Variants in KLF16 observed in about 807,000 individuals in gnomAD.
KLF16 encodes the protein Krueppel-like factor 16.
A neutral mutation model predicts 6.1 loss-of-function variants in KLF16; 6 were observed. The ratio of observed to expected loss-of-function variants is 0.98; its 90% CI spans 0.54 to 1.93. The LOEUF (loss-of-function observed/expected upper bound fraction) is 1.93. Ranked by LOEUF, KLF16 falls within the 30% of genes most tolerant of loss-of-function variation. The pLI is 0.01. For missense variants in KLF16, 355 were observed against 363.8 expected, an observed-to-expected ratio of 0.98 and a Z score of 0.20; for synonymous variants, 211 against 176.5, an observed-to-expected ratio of 1.20 and a Z score of -1.55.
chr19:1,874,301 T>C, the KLF16 span, among the ~76,000 whole-genome samples: 1 of 152,168 alleles, frequency 6.6e-6, no homozygotes, highest in Non-Finnish European at 1.5e-5. Context: ...AATGGGGTTC[T>C]GGAAAACTGG....
rs1437590680 is a variant in KLF16 at position 1,854,713 on chromosome 19, C to T, written c.505G>A (p.Ala169Thr). ...CDWQGCDKKF[A>T]RSDELARHHR... The stretch of plus-strand genomic sequence containing the variant: ...TGGCGGGCCAGCTCGTCGGAGCGGG[C>T]GAACTTCTTGTCGCAGCCCTGCCAG... The change falls in exon 2 of 2, where the codon GCC (alanine) becomes ACC (threonine). Residue 169 changes from alanine to threonine, a missense_variant. Transcript: ENST00000250916. 1 of 1,598,870 alleles carries T rather than the reference C, an allele frequency of 6.3e-7. No individual in the cohort carries two copies.
intron 1 of KLF16, among the ~76,000 whole-genome samples, chr19:1,859,549 C>T (rs936039554): frequency 6.6e-6 from 1 of 151,996 alleles, no homozygotes; most frequent in Non-Finnish European, 1.5e-5. Flanking sequence ...GCCGAGGTGC[C>T]CCCTCCCCAC....
the KLF16 span, among the ~76,000 whole-genome samples, chr19:1,873,142 T>C: frequency 2.2e-3 from 341 of 152,310 alleles, 4 homozygotes; most frequent in African/African-American, 7.7e-3. Context: ...CCTCAGGTCA[T>C]GCAGAACAGA....
chr19:1,868,461 CTTTTTTTTTTTTT>C (rs762308559), upstream of KLF16, among the ~76,000 whole-genome samples: 10 of 110,070 alleles, frequency 9.1e-5, no homozygotes, highest in East Asian at 2.7e-4. Context: ...CAGATTAGGG[CTTTTTTTTTTTTT>C]TTTTTTTTTT....
chr19:1,861,609 C>T (rs557169841), intron 1 of KLF16: 2 of 152,422 alleles, frequency 1.3e-5, no homozygotes, highest in South Asian at 2.1e-4. Flanking sequence ...TGTCTTGACG[C>T]CCTCGGTTCC....
upstream of KLF16, among the ~76,000 whole-genome samples, chr19:1,865,059 C>T (rs2145372756): frequency 6.6e-6 from 1 of 152,340 alleles, no homozygotes; most frequent in Admixed American, 6.5e-5. Context: ...ACCACTGTTC[C>T]CTGGGTCGCC....
chr19:1,858,838 C>T (rs1207334203), intron 1 of KLF16, among the ~76,000 whole-genome samples: 1 of 152,086 alleles, frequency 6.6e-6, no homozygotes. Flanking sequence ...CAGAAATGGT[C>T]TAAGCCAGGG....
upstream of KLF16, among the ~76,000 whole-genome samples, chr19:1,865,530 T>C (rs1270112951): frequency 6.6e-6 from 1 of 152,170 alleles, no homozygotes; most frequent in African/African-American, 2.4e-5. Context: ...CTTACAGTTG[T>C]AACTGGGAGG....
upstream of KLF16, among the ~76,000 whole-genome samples, chr19:1,867,972 A>G (rs2145375379): frequency 6.7e-6 from 1 of 148,666 alleles, no homozygotes; most frequent in Non-Finnish European, 1.5e-5. Flanking sequence ...GCGTGCGCGC[A>G]TGCACTGGAA....
At chr19:1,869,937 T>C in the KLF16 span, among the ~76,000 whole-genome samples, 50 of 139,600 alleles carry the variant, frequency 3.6e-4, no homozygotes, top group Middle Eastern at 4.0e-3. Flanking sequence ...TTTCTTTTTT[T>C]TTTTTTTTTT....
the KLF16 span, among the ~76,000 whole-genome samples, chr19:1,870,888 C>T: frequency 6.6e-6 from 1 of 152,088 alleles, no homozygotes; most frequent in South Asian, 2.1e-4. Context: ...CCCAGCTACT[C>T]GGGAGGCTGA....
At chr19:1,867,359 C>T (rs973596449), upstream of KLF16, among the ~76,000 whole-genome samples, 2 of 152,190 alleles carry the variant, frequency 1.3e-5, no homozygotes, top group African/African-American at 4.8e-5. Flanking sequence ...TGCTTGAGCC[C>T]AGGAGTTCAA....
chr19:1,860,804 G>C lies in KLF16; in HGVS notation c.457+2237C>G, dbSNP rs1279820970. Among the ~76,000 whole-genome samples the C allele has an allele frequency of 2.0e-5, 3 of 152,326 alleles. No homozygotes were observed. In the East Asian group the frequency reaches 5.8e-4, roughly 29 times the overall value. On this transcript the variant is annotated intron_variant, in intron 1 of 1. Transcript: ENST00000250916. Reference sequence around the variant, plus strand: ...TTTACACAGACCCCTTGGTGGTCCTGGGGGCTGGGGAGGCCCGGAAGAGGA... The same window carrying C: ...TTTACACAGACCCCTTGGTGGTCCTCGGGGCTGGGGAGGCCCGGAAGAGGA...
upstream of KLF16, among the ~76,000 whole-genome samples, chr19:1,867,927 CGTGTGTGTGTGTGTGTGTGT>C (rs71174389): frequency 3.4e-5 from 5 of 147,978 alleles, no homozygotes; most frequent in African/African-American, 7.5e-5. Flanking sequence ...TATGTAAGGA[CGTGTGTGTGTGTGTGTGTGT>C]GTGTGTGTGT....
At chr19:1,873,639 G>T in the KLF16 span, among the ~76,000 whole-genome samples, 2 of 151,904 alleles carry the variant, frequency 1.3e-5, no homozygotes, top group African/African-American at 2.4e-5. Context: ...TCCACAAAAT[G>T]GAGAACGGGA....
chr19:1,866,885 G>C (rs1468507821), upstream of KLF16, among the ~76,000 whole-genome samples: 9 of 151,844 alleles, frequency 5.9e-5, no homozygotes, highest in Admixed American at 5.9e-4. Flanking sequence ...AGAGGCAGCA[G>C]ACACTTTGGG....
chr19:1,872,941 G>A, the KLF16 span, among the ~76,000 whole-genome samples: 1 of 152,048 alleles, frequency 6.6e-6, no homozygotes, highest in African/African-American at 2.4e-5. Context: ...TTAACAAGGC[G>A]GCCCTGCACT....
chr19:1,873,796 G>C, the KLF16 span, among the ~76,000 whole-genome samples: 1 of 152,242 alleles, frequency 6.6e-6, no homozygotes, highest in East Asian at 1.9e-4. Context: ...GTGGTGGGGA[G>C]AGGCCGAGGG....
At chr19:1,872,748 G>C in the KLF16 span, among the ~76,000 whole-genome samples, 3 of 152,096 alleles carry the variant, frequency 2.0e-5, no homozygotes, top group Non-Finnish European at 4.4e-5. Context: ...GGCCTGGCCG[G>C]GGTCTCGGCT....
Sources: gnomAD v4.1 joint callset for allele counts (sites outside exome capture counted in the v4.1 genomes callset) on GRCh38, gnomAD v4.1.1 for gene constraint, MANE v1.5 for transcripts, NCBI Gene and HGNC (gene_info 2026-07-23, HGNC 2026-07-21) for gene names.